The following C13orf42 variants were observed in gnomAD, a reference collection of about 807,000 sequenced individuals.
The protein encoded by C13orf42 is chromosome 13 open reading frame 42, also known as uncharacterized protein C13orf42.
At chr13:51,149,358 C>T (rs943155903) in intron 1 of C13orf42, among the ~76,000 whole-genome samples, 1 of 150,348 alleles carries the variant, frequency 6.7e-6, no homozygotes, top group African/African-American at 2.4e-5. Flanking sequence ...CTGTATCTTC[C>T]TTAATTAGCA....
intron 1 of C13orf42, among the ~76,000 whole-genome samples, chr13:51,125,040 T>G (rs1370146442): frequency 3.9e-5 from 6 of 152,222 alleles, no homozygotes; most frequent in African/African-American, 1.4e-4. Context: ...AGTGTTTTTC[T>G]TCTCAAGTCT....
chr13:51,100,162 G>T (rs1481919978), intron 1 of C13orf42, among the ~76,000 whole-genome samples: 1 of 150,958 alleles, frequency 6.6e-6, no homozygotes, highest in Non-Finnish European at 1.5e-5. Flanking sequence ...CAAAGGGATT[G>T]GTTTTTTTTA....
chr13:51,121,998 C>T (rs1953539533), intron 1 of C13orf42, among the ~76,000 whole-genome samples: 1 of 152,106 alleles, frequency 6.6e-6, no homozygotes, highest in African/African-American at 2.4e-5. Flanking sequence ...ATATACAATA[C>T]ATTCCCTTTT....
chr13:51,146,947 A>G (rs1953740302), intron 1 of C13orf42, among the ~76,000 whole-genome samples: 1 of 152,202 alleles, frequency 6.6e-6, no homozygotes, highest in African/African-American at 2.4e-5. Context: ...CTCAACCTGC[A>G]GTGGCCCGCT....
At chr13:51,168,981 G>A (rs572162566) in intron 1 of C13orf42, among the ~76,000 whole-genome samples, 319 of 152,310 alleles carry the variant, frequency 2.1e-3, no homozygotes, top group African/African-American at 7.3e-3. Flanking sequence ...ACAGCCTGTG[G>A]AACTGTGAGC....
chr13:51,125,214 A>G (rs1425606376), intron 1 of C13orf42, among the ~76,000 whole-genome samples: 1 of 152,210 alleles, frequency 6.6e-6, no homozygotes, highest in African/African-American at 2.4e-5. Flanking sequence ...TAGGTCATAA[A>G]TCTTTCAAGG....
chr13:51,113,059 T>C (rs1016264904), upstream of C13orf42: 4 of 152,214 alleles, frequency 2.6e-5, no homozygotes, highest in Admixed American at 1.3e-4. Flanking sequence ...TTACGCTTAT[T>C]CTACATGGAT....
chr13:51,087,975 G>A lies in C13orf42; in HGVS notation c.515C>T (p.Pro172Leu). Residue 172 changes from proline to leucine, a missense_variant, in exon 2 of 4, where the codon CCC becomes CTC. Pro to Leu is a moderately conservative substitution (Grantham distance 98). Coordinates refer to ENST00000563710, the MANE Select transcript of C13orf42 (RefSeq NM_001351589.3). Reference protein sequence around the residue: ...IIAELDTERRPRAAEASLPNE... With the variant: ...IIAELDTERRLRAAEASLPNE... ...TGGCAGGCTGGCCTCAGCAGCCCGG[G>A]GTCGTCTCTCTGTATCCAGCTCTGC... 5.0e-6 allele frequency: 2 copies of A among 398,926 alleles called. No individual in the cohort carries two copies. Among genetic ancestry groups the A allele is most frequent in the East Asian group, 7.1e-5 (2 of 28,082 alleles). The allele number at this position is 398,926 out of a possible 1,614,324, so 24.7% of individuals were successfully genotyped here. A position where few individuals can be genotyped will look rare whatever the true frequency, so the allele number is the denominator to read the frequency against.
intron 1 of C13orf42, among the ~76,000 whole-genome samples, chr13:51,093,472 T>G (rs1335460721): frequency 6.6e-6 from 1 of 152,202 alleles, no homozygotes; most frequent in Non-Finnish European, 1.5e-5. Flanking sequence ...GGAACTGAAC[T>G]TTTAATTATT....
chr13:51,153,626 T>C (rs967920770), intron 1 of C13orf42, among the ~76,000 whole-genome samples: 1 of 142,512 alleles, frequency 7.0e-6, no homozygotes, highest in Non-Finnish European at 1.5e-5. Context: ...TTTCTGTTTT[T>C]TTTCTTTTTT....
At chr13:51,140,773 G>A (rs1953689740) in intron 1 of C13orf42, among the ~76,000 whole-genome samples, 1 of 152,136 alleles carries the variant, frequency 6.6e-6, no homozygotes, top group Non-Finnish European at 1.5e-5. Flanking sequence ...GCTTCCAACA[G>A]GGAAGATGAA....
At chr13:51,105,680 T>C (rs1258461319) in intron 1 of C13orf42, among the ~76,000 whole-genome samples, 1 of 152,228 alleles carries the variant, frequency 6.6e-6, no homozygotes, top group East Asian at 1.9e-4. Context: ...CTGAATTAGC[T>C]TCTATGATCT....
intron 1 of C13orf42, among the ~76,000 whole-genome samples, chr13:51,140,192 C>T (rs1953685493): frequency 6.6e-6 from 1 of 152,174 alleles, no homozygotes; most frequent in Non-Finnish European, 1.5e-5. Context: ...CCATCTGTGA[C>T]CTAGAAGCTC....
At chr13:51,158,827 C>A (rs1042619691) in intron 1 of C13orf42, among the ~76,000 whole-genome samples, 40 of 152,216 alleles carry the variant, frequency 2.6e-4, no homozygotes, top group African/African-American at 9.2e-4. Flanking sequence ...CCAGCCAGTT[C>A]TTTTAGTGTG....
rs547769080 is a variant in C13orf42 at position 51,158,999 on chromosome 13, A to T, written n.136+13254T>A. ...TAAGGGGCTTTCATTGCATGTCAAT[A>T]TGCTGATAAGCTGGCCCCTTTCAAT... is the stretch of plus-strand genomic sequence containing the variant. On this transcript the variant is annotated intron_variant and non_coding_transcript_variant, in intron 1 of 4. Coordinates refer to the C13orf42 transcript ENST00000433280. Among the ~76,000 whole-genome samples the T allele has an allele frequency of 5.3e-5, 8 of 152,350 alleles. No individual in the cohort carries two copies. The South Asian group carries it at 1.7e-3, about 32-fold the overall frequency.
At chr13:51,090,439 C>A (rs1953170071) in intron 1 of C13orf42, among the ~76,000 whole-genome samples, 1 of 152,088 alleles carries the variant, frequency 6.6e-6, no homozygotes, top group Non-Finnish European at 1.5e-5. Context: ...CTGACCCAGC[C>A]TGACCCCTGA....
At chr13:51,126,596 C>T (rs1263519996) in intron 1 of C13orf42, among the ~76,000 whole-genome samples, 1 of 152,204 alleles carries the variant, frequency 6.6e-6, no homozygotes, top group African/African-American at 2.4e-5. Context: ...GATGTATTCA[C>T]AAATGGAAGG....
At chr13:51,163,715 G>T (rs564390928) in intron 1 of C13orf42, among the ~76,000 whole-genome samples, 1 of 152,052 alleles carries the variant, frequency 6.6e-6, no homozygotes, top group South Asian at 2.1e-4. Context: ...GGCCCCTGCT[G>T]GGTTCCTTAG....
intron 1 of C13orf42, among the ~76,000 whole-genome samples, chr13:51,147,109 G>A (rs1488330131): frequency 6.6e-6 from 1 of 152,242 alleles, no homozygotes; most frequent in East Asian, 1.9e-4. Flanking sequence ...GGAAGTCCCA[G>A]GTACTGACCA....
Sources: gnomAD v4.1 joint callset for allele counts (sites outside exome capture counted in the v4.1 genomes callset) on GRCh38, gnomAD v4.1.1 for gene constraint, MANE v1.5 for transcripts, NCBI Gene and HGNC (gene_info 2026-07-23, HGNC 2026-07-21) for gene names.